The following DCAF13 variants were observed in gnomAD, a reference collection of about 807,000 sequenced individuals.
DCAF13 encodes DDB1- and CUL4-associated factor 13.
Under a neutral mutation model 59.0 loss-of-function variants are expected in DCAF13, and 38 were observed. The observed-to-expected ratio is 0.64, with a 90% CI of 0.50 to 0.84. DCAF13 has a LOEUF of 0.84. Among genes scored for constraint, DCAF13 ranks in the 40% least tolerant of loss-of-function variants. The pLI, the probability that DCAF13 is intolerant of heterozygous loss-of-function variation, is 0.00. For missense variants in DCAF13, 469 were observed against 558.4 expected, an observed-to-expected ratio of 0.84 and a Z score of 1.61; for synonymous variants, 173 against 175.0, an observed-to-expected ratio of 0.99 and a Z score of 0.09.
chr8:103,421,139 A>G (rs1816716847), intron 3 of DCAF13, 57 bp downstream of exon 3: 2 of 1,164,140 alleles, frequency 1.7e-6, no homozygotes, highest in South Asian at 1.3e-5. Context: ...GAATAATCTA[A>G]TTGAATACAT....
intron 5 of DCAF13, 193 bp from the exon 6 acceptor site, chr8:103,430,419 C>G (rs1342295027): frequency 5.0e-6 from 2 of 403,444 alleles, no homozygotes; most frequent in Admixed American, 8.8e-5. Flanking sequence ...AAATAAAATA[C>G]AAGCATGAGG....
chr8:103,435,095 A>G (rs1250923108), intron 7 of DCAF13, among the ~76,000 whole-genome samples: 1 of 152,146 alleles, frequency 6.6e-6, no homozygotes, highest in Non-Finnish European at 1.5e-5. Flanking sequence ...TATATATAAT[A>G]AAATGTTGGA....
chr8:103,419,731 C>T (rs531241871), intron 1 of DCAF13, among the ~76,000 whole-genome samples: 3 of 152,274 alleles, frequency 2.0e-5, no homozygotes, highest in East Asian at 1.9e-4. Flanking sequence ...AAAAGGGAGG[C>T]CGGGCACGGT....
intron 6 of DCAF13, among the ~76,000 whole-genome samples, 197 bp downstream of exon 6, chr8:103,430,886 T>A (rs1342703573): frequency 6.6e-6 from 1 of 152,196 alleles, no homozygotes; most frequent in Non-Finnish European, 1.5e-5. Context: ...AAATTTCTGC[T>A]AGGTATTGTA....
At chr8:103,440,970 A>G (rs1014273159) in intron 9 of DCAF13, 2 of 152,536 alleles carry the variant, frequency 1.3e-5, no homozygotes, top group African/African-American at 2.4e-5. Context: ...TTAATGATTG[A>G]TAAGTATTGC....
chr8:103,439,035 T>G (rs372261811), intron 8 of DCAF13, among the ~76,000 whole-genome samples: 35 of 152,228 alleles, frequency 2.3e-4, no homozygotes, highest in African/African-American at 7.9e-4. Flanking sequence ...TGAGATGGAG[T>G]CTTGCTCTGT....
At chr8:103,426,523 C>CT (rs1213145684) in intron 4 of DCAF13, among the ~76,000 whole-genome samples, 1 of 151,948 alleles carries the variant, frequency 6.6e-6, no homozygotes, top group Non-Finnish European at 1.5e-5. Context: ...TGAAAGACTC[C>CT]TTTAAGAAAT....
At chr8:103,418,743 C>T (rs888082110) in intron 1 of DCAF13, among the ~76,000 whole-genome samples, 1 of 143,804 alleles carries the variant, frequency 7.0e-6, no homozygotes, top group Non-Finnish European at 1.5e-5. Context: ...AGGATGAAGT[C>T]ATGGGGTAAG....
chr8:103,441,467 GA>G lies in DCAF13; in HGVS notation c.1104del (p.Ala369GlnfsTer9), dbSNP rs1281578036. The G allele has an allele frequency of 2.5e-6, 4 of 1,585,104 alleles. No individual in the cohort carries two copies. Among genetic ancestry groups the G allele is most frequent in the Non-Finnish European group, 2.6e-6 (3 of 1,172,308 alleles). On this transcript the variant is annotated frameshift_variant, in exon 10 of 11. Coordinates refer to ENST00000612750, the MANE Select transcript of DCAF13 (RefSeq NM_015420.7). LOFTEE classifies it high-confidence loss of function. ...SEKLGVLTSR[E>X]KAAKDYNQKL... ...TGTGTATTTTCAGCTTACATCACGAGAAAAAGCAGCCAAGGATTATAACCAG... is the reference window on the plus strand; with the variant it reads ...TGTGTATTTTCAGCTTACATCACGAGAAAAGCAGCCAAGGATTATAACCAG...
In DCAF13 at chr8:103,415,411, G is replaced by A. The variant is rs1816591782; in HGVS notation, c.-36G>A. 5 of 1,614,142 alleles carry A rather than the reference G, an allele frequency of 3.1e-6. No homozygotes were observed. The highest frequency in any genetic ancestry group is 3.4e-6 in the Non-Finnish European group (4 of 1,180,042). On this transcript the variant is annotated 5_prime_UTR_variant, in exon 1 of 11. Transcript: ENST00000612750. ...GTGGCGGTGGGCGGAACTCCTAGCG[G>A]ACACCTCGTGGAGTCCGGCCGGAAG...
chr8:103,422,342 A>G (rs561457224), intron 3 of DCAF13, among the ~76,000 whole-genome samples: 1 of 152,328 alleles, frequency 6.6e-6, no homozygotes, highest in African/African-American at 2.4e-5. Context: ...GACATCATCA[A>G]TATAGAACTA....
chr8:103,442,780 A>T lies in DCAF13; in HGVS notation c.1251-15A>T. The T allele has an allele frequency of 6.5e-7, 1 of 1,541,448 alleles. No individual in the cohort carries two copies. Among genetic ancestry groups the T allele is most frequent in the Non-Finnish European group, 8.7e-7 (1 of 1,143,656 alleles). On this transcript the variant is annotated splice_polypyrimidine_tract_variant and intron_variant, in intron 10 of 10. Coordinates refer to ENST00000612750, the MANE Select transcript of DCAF13 (RefSeq NM_015420.7). ...TTCCCATAACTTGCTTATATTTTGT[A>T]TATTTTATTTCTAGGGAAGTGAATC...
At chr8:103,439,736 G>A (rs760999576) in intron 8 of DCAF13, 1 of 153,074 alleles carries the variant, frequency 6.5e-6, no homozygotes, top group African/African-American at 2.4e-5. Context: ...GAAAAAAAGT[G>A]TGTTGACCTG....
chr8:103,423,549 T>G (rs1265680992), intron 3 of DCAF13, among the ~76,000 whole-genome samples: 1 of 152,044 alleles, frequency 6.6e-6, no homozygotes, highest in African/African-American at 2.4e-5. Context: ...GGAGGGAGAT[T>G]GGGGAGATGT....
chr8:103,420,349 A>G lies in DCAF13; in HGVS notation c.156A>G (p.Arg52=), dbSNP rs747588323. The G allele has an allele frequency of 1.1e-5, 18 of 1,614,104 alleles. No individual in the cohort carries two copies. In the Admixed American group the frequency reaches 3.0e-4, roughly 27 times the overall value. Residue 52 remains arginine (R), a synonymous_variant, in exon 2 of 11, where the codon CGA becomes CGG. Transcript: ENST00000612750. ...IRALNATKLE[R]VFAKPFLASL... Reference sequence around the variant, plus strand: ...CTTTAAATGCTACCAAACTGGAACGAGTATTTGCAAAACCATTCCTTGCTT... The same window carrying G: ...CTTTAAATGCTACCAAACTGGAACGGGTATTTGCAAAACCATTCCTTGCTT...
intron 8 of DCAF13, among the ~76,000 whole-genome samples, chr8:103,438,026 T>C (rs1463077835): frequency 6.6e-6 from 1 of 152,210 alleles, no homozygotes; most frequent in East Asian, 1.9e-4. Flanking sequence ...CATAAACATA[T>C]CTAGAAGTTA....
intron 1 of DCAF13, 121 bp downstream of exon 1, chr8:103,415,637 T>C: frequency 1.0e-6 from 1 of 966,796 alleles, no homozygotes; most frequent in Non-Finnish European, 1.5e-6. Context: ...TCAGTTACCT[T>C]TCGCTAAGGC....
At chr8:103,431,853 A>G (rs1347725734) in intron 6 of DCAF13, among the ~76,000 whole-genome samples, 2 of 151,750 alleles carry the variant, frequency 1.3e-5, no homozygotes, top group Non-Finnish European at 1.5e-5. Context: ...CTCAGTTTTT[A>G]ATGGAGCTCC....
At chr8:103,437,637 C>G (rs1032480636) in intron 8 of DCAF13, among the ~76,000 whole-genome samples, 2 of 152,004 alleles carry the variant, frequency 1.3e-5, no homozygotes, top group Non-Finnish European at 2.9e-5. Context: ...TGACCTTTGC[C>G]TTTATCTGCT....
Sources: gnomAD v4.1 joint callset for allele counts (sites outside exome capture counted in the v4.1 genomes callset) on GRCh38, gnomAD v4.1.1 for gene constraint, MANE v1.5 for transcripts, NCBI Gene and HGNC (gene_info 2026-07-23, HGNC 2026-07-21) for gene names.